PDLIM5: variants seen among roughly 807,000 people sequenced by gnomAD.
PDLIM5 encodes the protein PDZ and LIM domain protein 5.
PDLIM5 carries 34 observed loss-of-function variants against 64.2 expected under a neutral mutation model. The ratio of observed to expected loss-of-function variants is 0.53; its 90% CI spans 0.40 to 0.71. The LOEUF (loss-of-function observed/expected upper bound fraction) is 0.71, where lower values mean the gene tolerates loss of function less well. Among genes scored for constraint, PDLIM5 ranks in the 30% least tolerant of loss-of-function variants. PDLIM5 has a pLI of 0.00. For missense variants in PDLIM5, 683 were observed against 733.6 expected (o/e 0.93, Z 0.80); for synonymous variants, 253 against 269.1 (o/e 0.94, Z 0.59).
chr4:94,654,511 C>G lies in PDLIM5; in HGVS notation c.1335C>G (p.Asn445Lys), dbSNP rs1742067231. 1 of 1,612,280 alleles carries G rather than the reference C, an allele frequency of 6.2e-7. No homozygotes were observed. The highest frequency in any genetic ancestry group is 8.5e-7 in the Non-Finnish European group (1 of 1,178,332). ...AATCTTGGCACCCAGAAGAATTCAA[C>G]TGCGCTCACTGCAAAAATACAATGG... ...LGKSWHPEEF[N>K]CAHCKNTMAY... The change falls in exon 10 of 13, where the codon AAC becomes AAG. Residue 445 changes from asparagine to lysine, a missense_variant. Physicochemically the swap from Asn to Lys is moderately conservative, Grantham distance 94 (BLOSUM62 0). Coordinates refer to ENST00000317968, the MANE Select transcript of PDLIM5 (RefSeq NM_006457.5).
intron 5 of PDLIM5, chr4:94,577,381 G>A: frequency 2.2e-6 from 1 of 456,582 alleles, no homozygotes. Flanking sequence ...GGCTGCTGCT[G>A]AGAGAGGGAG....
At chr4:94,516,570 C>G (rs895681632) in intron 2 of PDLIM5, among the ~76,000 whole-genome samples, 1 of 152,066 alleles carries the variant, frequency 6.6e-6, no homozygotes, top group Non-Finnish European at 1.5e-5. Context: ...GTTACCCAGG[C>G]TGGAGTATGG....
At chr4:94,548,208 G>A (rs1165575495) in intron 3 of PDLIM5, among the ~76,000 whole-genome samples, 2 of 152,068 alleles carry the variant, frequency 1.3e-5, no homozygotes, top group African/African-American at 4.8e-5. Context: ...CTTACACAAG[G>A]TTACTCATCA....
intron 2 of PDLIM5, among the ~76,000 whole-genome samples, chr4:94,460,756 A>G (rs1474385137): frequency 2.6e-5 from 4 of 152,250 alleles, no homozygotes; most frequent in African/African-American, 4.8e-5. Flanking sequence ...GATAATAGAT[A>G]ATGTACAGCT....
At chr4:94,524,399 G>A (rs998186676) in intron 3 of PDLIM5, among the ~76,000 whole-genome samples, 2 of 147,136 alleles carry the variant, frequency 1.4e-5, no homozygotes, top group African/African-American at 5.0e-5. Context: ...AAAAAATTGT[G>A]TATACAGCTT....
intron 2 of PDLIM5, among the ~76,000 whole-genome samples, chr4:94,483,265 T>C (rs1726030991): frequency 6.6e-6 from 1 of 152,144 alleles, no homozygotes; most frequent in Non-Finnish European, 1.5e-5. Context: ...TTGGTAAAAT[T>C]AGTGTTAATT....
At chr4:94,663,956 T>G (rs145909347) in intron 12 of PDLIM5, 22 bp from the exon 13 acceptor site, 1 of 1,592,750 alleles carries the variant, frequency 6.3e-7, no homozygotes, top group African/African-American at 1.3e-5. Context: ...ATAATATCTC[T>G]TAAATGCTGC....
At chr4:94,488,788 T>A (rs1221296225) in intron 2 of PDLIM5, among the ~76,000 whole-genome samples, 1 of 152,230 alleles carries the variant, frequency 6.6e-6, no homozygotes, top group Admixed American at 6.5e-5. Flanking sequence ...TGGTTGAGCA[T>A]GTGTTTTACA....
At chr4:94,525,364 G>C (rs978819521) in intron 3 of PDLIM5, among the ~76,000 whole-genome samples, 3 of 152,022 alleles carry the variant, frequency 2.0e-5, no homozygotes, top group Non-Finnish European at 4.4e-5. Context: ...GTTGCAGTGA[G>C]CCAAGATCTT....
chr4:94,587,504 A>G, intron 7 of PDLIM5: 1 of 891,894 alleles, frequency 1.1e-6, no homozygotes, highest in Non-Finnish European at 1.3e-6. Context: ...ATTACTTTTT[A>G]AGTTCATTAT....
intron 7 of PDLIM5, among the ~76,000 whole-genome samples, chr4:94,604,700 G>C (rs1324868762): frequency 6.6e-6 from 1 of 152,082 alleles, no homozygotes; most frequent in African/African-American, 2.4e-5. Flanking sequence ...CACAGGCTAG[G>C]GGGAGGGGGA....
intron 2 of PDLIM5, among the ~76,000 whole-genome samples, chr4:94,462,159 A>G (rs1441707593): frequency 6.6e-6 from 1 of 152,138 alleles, no homozygotes; most frequent in Non-Finnish European, 1.5e-5. Context: ...CACTGCACCC[A>G]GCTTAATTTT....
intron 7 of PDLIM5, among the ~76,000 whole-genome samples, chr4:94,592,771 C>T (rs1736766819): frequency 6.6e-6 from 1 of 152,182 alleles, no homozygotes; most frequent in East Asian, 1.9e-4. Context: ...GAACTACAGG[C>T]ACACACCACC....
At chr4:94,633,661 G>A (rs1377519253) in intron 8 of PDLIM5, among the ~76,000 whole-genome samples, 2 of 152,172 alleles carry the variant, frequency 1.3e-5, no homozygotes, top group Non-Finnish European at 2.9e-5. Flanking sequence ...CAATATGCCA[G>A]GGACTGCTGG....
At chr4:94,633,637 A>G (rs778445199) in intron 8 of PDLIM5, among the ~76,000 whole-genome samples, 61 of 152,206 alleles carry the variant, frequency 4.0e-4, no homozygotes, top group Non-Finnish European at 8.2e-4. Context: ...TTCTCTGAAT[A>G]AGGACTTACT....
chr4:94,524,765 C>T (rs1730189924), intron 3 of PDLIM5, among the ~76,000 whole-genome samples: 2 of 151,840 alleles, frequency 1.3e-5, no homozygotes, highest in African/African-American at 2.4e-5. Context: ...ATACTGAATC[C>T]GAATTTCTGG....
chr4:94,453,763 C>T lies in PDLIM5; in HGVS notation c.-42-1484C>T, dbSNP rs1466918330. ...TATGTGTGGCTCGTTATTAGCTTCC[C>T]ACTAGTAGTTTTTCACCTATATATA... On this transcript the variant is annotated intron_variant, in intron 1 of 12. Coordinates refer to ENST00000317968, the MANE Select transcript of PDLIM5 (RefSeq NM_006457.5). Among the ~76,000 whole-genome samples, 7 of 152,120 alleles carry T rather than the reference C, an allele frequency of 4.6e-5. No individual in the cohort carries two copies. The South Asian group carries it at 1.2e-3, about 27-fold the overall frequency.
At chr4:94,525,481 T>C (rs183076043) in intron 3 of PDLIM5, among the ~76,000 whole-genome samples, 1 of 152,176 alleles carries the variant, frequency 6.6e-6, no homozygotes, top group Admixed American at 6.5e-5. Context: ...TCCCAACATA[T>C]TTGGCTATGG....
At chr4:94,515,613 G>A (rs1011593632) in intron 2 of PDLIM5, among the ~76,000 whole-genome samples, 1 of 152,016 alleles carries the variant, frequency 6.6e-6, no homozygotes, top group African/African-American at 2.4e-5. Context: ...AATTTTTTTG[G>A]TTATAGACGC....
Sources: allele counts gnomAD v4.1 joint callset (sites outside exome capture counted in the v4.1 genomes callset), GRCh38; gene constraint gnomAD v4.1.1; transcripts MANE v1.5; gene names NCBI Gene and HGNC (gene_info 2026-07-23, HGNC 2026-07-21).